Variants in AUNIP observed in about 807,000 individuals in gnomAD.
AUNIP encodes the protein aurora kinase A- and ninein-interacting protein.
A neutral mutation model predicts 12.2 loss-of-function variants in AUNIP; 16 were observed. That is an observed-to-expected ratio of 1.31 (90% confidence interval 0.88 to 1.99). The LOEUF (loss-of-function observed/expected upper bound fraction) is 1.99. Among genes scored for constraint, AUNIP ranks in the 30% most tolerant of loss-of-function variants. The pLI is 0.00. For synonymous variants in AUNIP, 142 were observed against 154.8 expected (o/e 0.92, Z 0.61); for missense variants, 411 against 419.1 (o/e 0.98, Z 0.17).
At chr1:25,858,289 A>C (rs2048479435) in intron 1 of AUNIP, among the ~76,000 whole-genome samples, 1 of 152,264 alleles carries the variant, frequency 6.6e-6, no homozygotes, top group African/African-American at 2.4e-5. Flanking sequence ...AAAGTGTATA[A>C]AGTCTCGGCA....
intron 1 of AUNIP, among the ~76,000 whole-genome samples, chr1:25,855,323 G>A (rs999642588): frequency 1.3e-5 from 2 of 151,906 alleles, no homozygotes; most frequent in Admixed American, 6.6e-5. Context: ...ACACTCCTCC[G>A]CCCATGATAA....
chr1:25,856,994 T>C (rs2048466984), intron 1 of AUNIP, among the ~76,000 whole-genome samples: 1 of 151,194 alleles, frequency 6.6e-6, no homozygotes, highest in Non-Finnish European at 1.5e-5. Flanking sequence ...ACTATGCCTG[T>C]AGTCCCAGCT....
Position 25,835,226 on chromosome 1 carries a change from T to C in AUNIP, c.841A>G (p.Lys281Glu). Reference sequence around the variant, plus strand: ...GTGAAAAGTTGACTCCAGGAGTCCTTGTCATTCTTTTCATTGTCCCAGGAA... The same window carrying C: ...GTGAAAAGTTGACTCCAGGAGTCCTCGTCATTCTTTTCATTGTCCCAGGAA... ...VFSWDNEKND[K>E]DSWSQLFTED... Residue 281 changes from lysine (K) to glutamate (E), a missense_variant, in exon 3 of 3, where the codon AAG becomes GAG. Lys to Glu is a moderately conservative substitution (Grantham distance 56, BLOSUM62 1). Transcript: ENST00000374298. The C allele has an allele frequency of 6.2e-7, 1 of 1,614,166 alleles. No homozygotes were observed. The highest frequency in any genetic ancestry group is 2.2e-5 in the East Asian group (1 of 44,880).
Position 25,835,034 on chromosome 1 carries a change from G to A in AUNIP, c.1033C>T (p.Gln345Ter), listed in dbSNP as rs756004856. The change falls in exon 3 of 3, where the codon CAG becomes TAG. Residue 345 changes from glutamine to a stop codon, truncating the protein, a stop_gained. Transcript: ENST00000374298. LOFTEE classifies it high-confidence loss of function. ...QNLKPDLLFT[Q>*]DSEGNQVIRH... ...ATAACTTGATTACCTTCAGAGTCCT[G>A]GGTAAAGAGCAAATCAGGCTTCAGA... The A allele has an allele frequency of 2.5e-6, 4 of 1,614,026 alleles. No individual in the cohort carries two copies. The highest frequency in any genetic ancestry group is 2.7e-5 in the African/African-American group (2 of 74,922).
At chr1:25,850,189 C>A (rs547394893) in intron 1 of AUNIP, among the ~76,000 whole-genome samples, 1 of 151,360 alleles carries the variant, frequency 6.6e-6, no homozygotes, top group East Asian at 1.9e-4. Flanking sequence ...GTCTGGGTAA[C>A]AAATTGAGAC....
intron 1 of AUNIP, among the ~76,000 whole-genome samples, chr1:25,839,774 C>T (rs2048337038): frequency 6.6e-6 from 1 of 152,136 alleles, no homozygotes; most frequent in Non-Finnish European, 1.5e-5. Context: ...AGCGATTCTC[C>T]TACCTCAGCC....
chr1:25,859,320 A>T lies in AUNIP; in HGVS notation c.38T>A (p.Val13Glu), dbSNP rs1489047687. 7 of 1,571,978 alleles carry T rather than the reference A, an allele frequency of 4.5e-6. No individual in the cohort carries two copies. The change falls in exon 1 of 3, where the codon GTG (valine) becomes GAG (glutamate). Residue 13 changes from valine to glutamate, a missense_variant. Transcript: ENST00000374298. Reference protein sequence around the residue: ...RTGPEEEACGVWLDAAALKRR... With the variant: ...RTGPEEEACGEWLDAAALKRR... The stretch of plus-strand genomic sequence containing the variant: ...CTTCAGCGCCGCCGCGTCCAGCCAC[A>T]CGCCGCAGGCCTCCTCCTCGGGGCC...
chr1:25,847,424 C>T lies in AUNIP; in HGVS notation c.79-9870G>A, dbSNP rs115493742. ...TTACAGGCATGCGCCACGATGCCAG[C>T]TAAATTTTTTTTGTATTTTTAGTAG... On this transcript the variant is annotated intron_variant, in intron 1 of 2. Coordinates refer to ENST00000374298, the MANE Select transcript of AUNIP (RefSeq NM_024037.3). The surrounding 1 kb of genome is among the most constrained non-coding windows in gnomAD (Gnocchi z 4.2). Among the ~76,000 whole-genome samples, 2 of 152,050 alleles carry T rather than the reference C, an allele frequency of 1.3e-5. No homozygotes were observed. The highest frequency in any genetic ancestry group is 4.8e-5 in the African/African-American group (2 of 41,474).
chr1:25,836,809 T>G (rs1283328066), intron 2 of AUNIP, among the ~76,000 whole-genome samples: 1 of 152,084 alleles, frequency 6.6e-6, no homozygotes, highest in Non-Finnish European at 1.5e-5. Context: ...TTTGAAGGTT[T>G]AGGCAAAGCA....
chr1:25,854,953 C>CTT (rs1159770557), intron 1 of AUNIP, among the ~76,000 whole-genome samples: 1,685 of 121,064 alleles, frequency 0.014, 72 homozygotes, highest in African/African-American at 0.05. Context: ...AGAATTCTTT[C>CTT]TTTTTTTTTT....
chr1:25,856,371 A>AAAAAAC (rs1460782161), intron 1 of AUNIP, among the ~76,000 whole-genome samples: 1 of 151,654 alleles, frequency 6.6e-6, no homozygotes, highest in East Asian at 1.9e-4. Context: ...CTCAAAAAAA[A>AAAAAAC]AAAAACAAAA....
At chr1:25,839,681 G>A (rs1046575622) in intron 1 of AUNIP, among the ~76,000 whole-genome samples, 1 of 147,058 alleles carries the variant, frequency 6.8e-6, no homozygotes, top group African/African-American at 2.5e-5. Context: ...TTTTTTTTTT[G>A]AGACGAAGTC....
intron 2 of AUNIP, 142 bp downstream of exon 2, chr1:25,837,269 TTA>T: frequency 9.8e-7 from 1 of 1,018,910 alleles, no homozygotes; most frequent in Non-Finnish European, 1.4e-6. Flanking sequence ...AGGCAACAAC[TTA>T]TGTTTTATAA....
chr1:25,837,488 A>C lies in AUNIP; in HGVS notation c.145T>G (p.Tyr49Asp), dbSNP rs1286195571. The change falls in exon 2 of 3, where the codon TAT becomes GAT. Residue 49 changes from tyrosine to aspartate, a missense_variant. By Grantham distance (160) the Tyr-to-Asp change is radical. Transcript: ENST00000374298. ...GATGGAGCTCTTCTTTGAGTAAAAT[A>C]AATATTAGCCTTTCTTTCTCCAGGA... Reference protein sequence around the residue: ...LLPGERKANIYFTQRRAPSTG... With the variant: ...LLPGERKANIDFTQRRAPSTG... The C allele has an allele frequency of 6.2e-7, 1 of 1,614,018 alleles. No homozygotes were observed. The highest frequency in any genetic ancestry group is 8.5e-7 in the Non-Finnish European group (1 of 1,179,888).
chr1:25,831,946 G>A, downstream of AUNIP: 1 of 1,614,208 alleles, frequency 6.2e-7, no homozygotes, highest in Non-Finnish European at 8.5e-7. Context: ...GAAGGAGGAA[G>A]ACCCTGCTGT....
rs186236429 is a variant in AUNIP at position 25,848,080 on chromosome 1, A to G, written c.79-10526T>C. On this transcript the variant is annotated intron_variant, in intron 1 of 2. Transcript: ENST00000374298. Reference sequence around the variant, plus strand: ...TCTAGCCTACCTGTCAGGATACTACACACTCTCAAATAACCACTAATGGGT... The same window carrying G: ...TCTAGCCTACCTGTCAGGATACTACGCACTCTCAAATAACCACTAATGGGT... Among the ~76,000 whole-genome samples, 400 of 151,262 alleles carry G rather than the reference A, an allele frequency of 2.6e-3. 2 individuals are homozygous for G. Among genetic ancestry groups the G allele is most frequent in the African/African-American group, 9.2e-3 (373 of 40,582 alleles).
chr1:25,845,345 T>C (rs1024051171), intron 1 of AUNIP, among the ~76,000 whole-genome samples: 4 of 152,244 alleles, frequency 2.6e-5, no homozygotes, highest in Admixed American at 1.3e-4. Context: ...ACTGCACACA[T>C]TGATGATTCC....
rs1389917216 is a variant in AUNIP at position 25,834,995 on chromosome 1, A to C, written c.1072T>G (p.Ter358GluextTer11). The C allele has an allele frequency of 2.5e-6, 4 of 1,601,678 alleles. No individual in the cohort carries two copies. In the South Asian group the frequency reaches 4.4e-5, roughly 18 times the overall value. Residue 358 changes from the stop codon to glutamate (E), a stop_lost, in exon 3 of 3, where the codon TAA (stop) becomes GAA (glutamate). Coordinates refer to ENST00000374298, the MANE Select transcript of AUNIP (RefSeq NM_024037.3). ...TTTAGAAACAAAGCTTCAAACATTT[A>C]GAATTGGTGTCTGATAACTTGATTA... ...EGNQVIRHQF[*>E] is the part of the protein sequence containing the mutation.
intron 1 of AUNIP, among the ~76,000 whole-genome samples, chr1:25,840,222 G>A (rs1270809999): frequency 6.6e-6 from 1 of 151,850 alleles, no homozygotes; most frequent in African/African-American, 2.4e-5. Context: ...TGAGAAAATA[G>A]AAGATATAAA....
Sources: gnomAD v4.1 joint callset for allele counts (sites outside exome capture counted in the v4.1 genomes callset) on GRCh38, gnomAD v4.1.1 for gene constraint, Gnocchi (gnomAD v3.1) non-coding constraint, MANE v1.5 for transcripts, NCBI Gene and HGNC (gene_info 2026-07-23, HGNC 2026-07-21) for gene names.